Variants in MFSD6 observed in about 807,000 individuals in gnomAD.
MFSD6 encodes the protein major facilitator superfamily domain-containing protein 6.
A neutral mutation model predicts 56.3 loss-of-function variants in MFSD6; 26 were observed. That is an observed-to-expected ratio of 0.46 (90% confidence interval 0.34 to 0.64). The LOEUF (loss-of-function observed/expected upper bound fraction) is 0.64, where lower values mean the gene tolerates loss of function less well. Ranked by LOEUF, MFSD6 falls within the 30% of genes least tolerant of loss-of-function variation. The pLI, the probability that MFSD6 is intolerant of heterozygous loss-of-function variation, is 0.01. For synonymous variants in MFSD6, 331 were observed against 366.9 expected (o/e 0.90, Z 1.12); for missense variants, 750 against 986.2 (o/e 0.76, Z 3.21).
intron 2 of MFSD6, among the ~76,000 whole-genome samples, chr2:190,430,703 T>A (rs1464550909): frequency 6.6e-6 from 1 of 150,668 alleles, no homozygotes; most frequent in East Asian, 2.0e-4. Context: ...CATGGCCCGT[T>A]CTCAATGAGC....
chr2:190,432,722 C>G (rs1257216860), intron 2 of MFSD6, among the ~76,000 whole-genome samples: 2 of 152,074 alleles, frequency 1.3e-5, no homozygotes, highest in African/African-American at 4.8e-5. Context: ...TGGCCAAAAT[C>G]TCTGTGTTTT....
At chr2:190,427,527 T>C (rs1685818142) in intron 2 of MFSD6, among the ~76,000 whole-genome samples, 1 of 152,230 alleles carries the variant, frequency 6.6e-6, no homozygotes, top group African/African-American at 2.4e-5. Flanking sequence ...CCCATCAGTA[T>C]TTCTTGGTTC....
intron 4 of MFSD6, among the ~76,000 whole-genome samples, chr2:190,474,863 C>A (rs1484782514): frequency 6.6e-6 from 1 of 152,172 alleles, no homozygotes; most frequent in Non-Finnish European, 1.5e-5. Context: ...AAAAGCTTAT[C>A]CACCATGATC....
In MFSD6 at chr2:190,458,936, A is replaced by G. The variant is rs1304231916; in HGVS notation, c.1533-10822A>G. Among the ~76,000 whole-genome samples the G allele has an allele frequency of 6.6e-5, 10 of 152,210 alleles. No homozygotes were observed. Among genetic ancestry groups the G allele is most frequent in the Non-Finnish European group, 2.9e-5 (2 of 68,038 alleles). Reference sequence around the variant, plus strand: ...TAGGATCAAGTTCAGCTGAGAACAGAGAATCATGCTTAGTTTCTGCTTAGC... The same window carrying G: ...TAGGATCAAGTTCAGCTGAGAACAGGGAATCATGCTTAGTTTCTGCTTAGC... On this transcript the variant is annotated intron_variant, in intron 3 of 7. Transcript: ENST00000392328. This position sits in a 1 kb window ranked among gnomAD's most constrained non-coding sequence, Gnocchi z 5.3.
intron 3 of MFSD6, among the ~76,000 whole-genome samples, chr2:190,445,907 T>C (rs1384775716): frequency 6.6e-6 from 1 of 152,202 alleles, no homozygotes; most frequent in Non-Finnish European, 1.5e-5. Flanking sequence ...AGAGCTGAGA[T>C]TTAAAAACAG....
intron 4 of MFSD6, among the ~76,000 whole-genome samples, chr2:190,484,410 G>T (rs1688890252): frequency 6.6e-6 from 1 of 152,154 alleles, no homozygotes; most frequent in African/African-American, 2.4e-5. Context: ...TAAGAAAGTA[G>T]AAGCATTTTC....
chr2:190,460,528 C>T lies in MFSD6; in HGVS notation c.1533-9230C>T, dbSNP rs549748549. Reference sequence around the variant, plus strand: ...AAGTATTCATATTTTCTCTTCCGTTCCGGACTATTTACTGAGTGCCTGGTA... The same window carrying T: ...AAGTATTCATATTTTCTCTTCCGTTTCGGACTATTTACTGAGTGCCTGGTA... On this transcript the variant is annotated intron_variant, in intron 3 of 7. Coordinates refer to ENST00000392328, the MANE Select transcript of MFSD6 (RefSeq NM_017694.4). Among the ~76,000 whole-genome samples, 6 of 152,264 alleles carry T rather than the reference C, an allele frequency of 3.9e-5. No homozygotes were observed. The South Asian group carries it at 6.2e-4, about 16-fold the overall frequency.
At chr2:190,445,146 G>A (rs540926358) in intron 3 of MFSD6, among the ~76,000 whole-genome samples, 1 of 152,226 alleles carries the variant, frequency 6.6e-6, no homozygotes, top group Admixed American at 6.5e-5. Flanking sequence ...TGTGTGAGCT[G>A]AGTCTCAGTT....
rs1283918538 is a variant in MFSD6, at chr2:190,437,443, T to C, written c.1414T>C (p.Leu472=). The change falls in exon 3 of 8, where the codon TTG becomes CTG. Residue 472 remains leucine, a synonymous_variant. Coordinates refer to ENST00000392328, the MANE Select transcript of MFSD6 (RefSeq NM_017694.4). This position sits in a 1 kb window ranked among gnomAD's most constrained non-coding sequence, Gnocchi z 5.9. ...GFVFTFLYWH[L]EDLNGTTTLF... Reference sequence around the variant, plus strand: ...CGTGTTCACCTTTCTCTACTGGCATTTGGAAGACCTCAATGGAACTACAAC... The same window carrying C: ...CGTGTTCACCTTTCTCTACTGGCATCTGGAAGACCTCAATGGAACTACAAC... The C allele has an allele frequency of 6.2e-7, 1 of 1,614,234 alleles. No homozygotes were observed. The highest frequency in any genetic ancestry group is 1.1e-5 in the South Asian group (1 of 91,086).
rs1290180191 is a variant in MFSD6 at position 190,489,835 on chromosome 2, C to T, written c.1860C>T (p.Ile620=). ...TGATCCTACTGCTCTTTGCCCTGAT[C>T]CAGTGGCTGGCAGTGCCAGATGAGG... ...CLVILLLFAL[I]QWLAVPDEEE... The change falls in exon 6 of 8, where the codon ATC becomes ATT. Residue 620 remains isoleucine, a synonymous_variant. Coordinates refer to ENST00000392328, the MANE Select transcript of MFSD6 (RefSeq NM_017694.4). The surrounding 1 kb of genome is among the most constrained non-coding windows in gnomAD (Gnocchi z 6.6). 1.9e-6 allele frequency: 3 copies of T among 1,614,030 alleles called. No homozygotes were observed. Among genetic ancestry groups the T allele is most frequent in the Non-Finnish European group, 2.5e-6 (3 of 1,180,010 alleles).
At chr2:190,478,176 C>T (rs891056719) in intron 4 of MFSD6, among the ~76,000 whole-genome samples, 1 of 152,198 alleles carries the variant, frequency 6.6e-6, no homozygotes, top group Admixed American at 6.5e-5. Flanking sequence ...GGCTACGATA[C>T]ATACTTCTGT....
chr2:190,466,367 T>C (rs927915651), intron 3 of MFSD6, among the ~76,000 whole-genome samples: 3 of 152,206 alleles, frequency 2.0e-5, no homozygotes, highest in East Asian at 1.9e-4. Flanking sequence ...TCAGTAAATA[T>C]ACGTGTACTT....
Position 190,453,544 on chromosome 2 carries a change from C to T in MFSD6, c.1532+15983C>T, listed in dbSNP as rs542362567. ...AAGGAACATGCCGTTATCAGTGTTA[C>T]TTCTGGAAGCAGTGCCATAGAGCAG... On this transcript the variant is annotated intron_variant, in intron 3 of 7. Transcript: ENST00000392328. 7.4e-4 allele frequency among the ~76,000 whole-genome samples: 113 copies of T among 152,222 alleles called. 6 individuals are homozygous for T. Among genetic ancestry groups the T allele is most frequent in the Non-Finnish European group, 4.4e-4 (30 of 68,032 alleles).
At chr2:190,440,590 A>G (rs1416678032) in intron 3 of MFSD6, among the ~76,000 whole-genome samples, 2 of 152,216 alleles carry the variant, frequency 1.3e-5, no homozygotes, top group Admixed American at 6.5e-5. Flanking sequence ...ATTGCAGTAA[A>G]TCATTTGTAA....
At chr2:190,486,831 C>G (rs1012022001) in intron 4 of MFSD6, among the ~76,000 whole-genome samples, 3 of 152,198 alleles carry the variant, frequency 2.0e-5, no homozygotes, top group African/African-American at 7.2e-5. Context: ...TTAATCTCGT[C>G]TAGCTATAAA....
intron 3 of MFSD6, among the ~76,000 whole-genome samples, chr2:190,441,050 C>T (rs1292344635): frequency 6.6e-6 from 1 of 152,120 alleles, no homozygotes; most frequent in East Asian, 1.9e-4. Flanking sequence ...GCCGGGTGTT[C>T]AATGTGAGCT....
rs142752415 is a variant in MFSD6, at chr2:190,446,770, A to T, written c.1532+9209A>T. On this transcript the variant is annotated intron_variant, in intron 3 of 7. Coordinates refer to ENST00000392328, the MANE Select transcript of MFSD6 (RefSeq NM_017694.4). Reference sequence around the variant, plus strand: ...CTACATACTGGTGGGAATACAAGAGATGAATACTCGGTTCTGGTCTCCTTG... The same window carrying T: ...CTACATACTGGTGGGAATACAAGAGTTGAATACTCGGTTCTGGTCTCCTTG... 7.9e-5 allele frequency among the ~76,000 whole-genome samples: 12 copies of T among 152,296 alleles called. No homozygotes were observed. In the East Asian group the frequency reaches 2.3e-3, roughly 29 times the overall value.
At position 190,417,965 on chromosome 2, in the gene MFSD6, GGTGTGTGTGTGTGTGT is replaced by G. The variant is rs59001642; in HGVS notation, c.-54+2573_-54+2588del. ...CTGACTTTTCATTTAACCCTTTAGT[GGTGTGTGTGTGTGTGT>G]GTGTGTGTGTGTGTGTGTGTATGTG... On this transcript the variant is annotated intron_variant, in intron 2 of 7. Transcript: ENST00000392328. The surrounding 1 kb of genome is among the most constrained non-coding windows in gnomAD (Gnocchi z 5.7). 6.9e-6 allele frequency among the ~76,000 whole-genome samples: 1 copy of G among 144,612 alleles called. No individual in the cohort carries two copies. The highest frequency in any genetic ancestry group is 6.9e-5 in the Admixed American group (1 of 14,466). The allele number at this position is 144,612 out of a possible 152,430, so 94.9% of individuals were successfully genotyped here. A position where few individuals can be genotyped will look rare whatever the true frequency, so the allele number is the denominator to read the frequency against.
chr2:190,442,372 G>A (rs1686412573), intron 3 of MFSD6, among the ~76,000 whole-genome samples: 1 of 152,136 alleles, frequency 6.6e-6, no homozygotes. Flanking sequence ...ACTGAGGCCA[G>A]ATGGATGCTG....
Sources: allele counts gnomAD v4.1 joint callset (sites outside exome capture counted in the v4.1 genomes callset), GRCh38; gene constraint gnomAD v4.1.1; non-coding constraint Gnocchi (gnomAD v3.1); transcripts MANE v1.5; gene names NCBI Gene and HGNC (gene_info 2026-07-23, HGNC 2026-07-21).